The following SNX16 variants were observed in gnomAD, a reference collection of about 807,000 sequenced individuals.
SNX16 encodes sorting nexin-16.
A neutral mutation model predicts 36.7 loss-of-function variants in SNX16; 35 were observed. That is an observed-to-expected ratio of 0.95 (90% CI 0.73 to 1.27). SNX16 has a LOEUF of 1.27. Among genes scored for constraint, SNX16 ranks in the 50% most tolerant of loss-of-function variants. The pLI, the probability that SNX16 is intolerant of heterozygous loss-of-function variation, is 0.00. For synonymous variants in SNX16, 134 were observed against 132.0 expected, an observed-to-expected ratio of 1.02 and a Z score of -0.10; for missense variants, 367 against 393.6, an observed-to-expected ratio of 0.93 and a Z score of 0.57.
At chr8:81,827,457 G>A (rs1188277721) in intron 3 of SNX16, among the ~76,000 whole-genome samples, 2 of 151,564 alleles carry the variant, frequency 1.3e-5, no homozygotes, top group Non-Finnish European at 2.9e-5. Context: ...TTTATCTTTC[G>A]GCTTGTTTAG....
chr8:81,835,980 C>T (rs1398405039), intron 2 of SNX16, among the ~76,000 whole-genome samples: 1 of 152,212 alleles, frequency 6.6e-6, no homozygotes, highest in Admixed American at 6.5e-5. Context: ...GTCCCTTTTG[C>T]CTATCAGCTT....
chr8:81,812,077 TA>T (rs1810281462), intron 5 of SNX16, among the ~76,000 whole-genome samples: 2 of 151,868 alleles, frequency 1.3e-5, no homozygotes, highest in South Asian at 4.1e-4. Context: ...ATGACCGAAA[TA>T]TAAATCTGTG....
intron 5 of SNX16, 79 bp from the exon 6 acceptor site, chr8:81,803,307 G>C: frequency 7.3e-7 from 1 of 1,372,168 alleles, no homozygotes; most frequent in Admixed American, 2.4e-5. Flanking sequence ...TCTTTCTCAA[G>C]AGCATTATTG....
chr8:81,832,245 C>A (rs1811303641), intron 2 of SNX16, among the ~76,000 whole-genome samples: 4 of 152,146 alleles, frequency 2.6e-5, no homozygotes, highest in African/African-American at 9.7e-5. Flanking sequence ...AAAAAAGAAT[C>A]AAATCATGTC....
intron 4 of SNX16, among the ~76,000 whole-genome samples, chr8:81,822,966 A>ATATATATATATGTATATG (rs1810838523): frequency 7.9e-6 from 1 of 126,934 alleles, no homozygotes; most frequent in African/African-American, 2.8e-5. Flanking sequence ...ATATATATAT[A>ATATATATATATGTATATG]TATATATATA....
At chr8:81,823,208 T>A (rs1810855872) in intron 4 of SNX16, among the ~76,000 whole-genome samples, 1 of 151,788 alleles carries the variant, frequency 6.6e-6, no homozygotes, top group Admixed American at 6.6e-5. Flanking sequence ...AAAGTAGTTT[T>A]AATTTATCTG....
chr8:81,806,335 T>G (rs1016812092), intron 5 of SNX16, among the ~76,000 whole-genome samples: 5 of 152,096 alleles, frequency 3.3e-5, no homozygotes, highest in African/African-American at 1.2e-4. Flanking sequence ...TGAATTTGCG[T>G]TAATCTCATA....
At position 81,818,086 on chromosome 8, in the gene SNX16, G is replaced by T. The variant is rs536698185; in HGVS notation, c.612-2692C>A. 7.2e-5 allele frequency among the ~76,000 whole-genome samples: 11 copies of T among 152,106 alleles called. No homozygotes were observed. In the South Asian group the frequency reaches 2.3e-3, roughly 32 times the overall value. On this transcript the variant is annotated intron_variant, in intron 4 of 7. Transcript: ENST00000345957. ...GATTCTCTTGAATTTTGTTTAAAGAGTTTTACCGTATTTTCAAACTATGCT... is the reference window on the plus strand; with the variant it reads ...GATTCTCTTGAATTTTGTTTAAAGATTTTTACCGTATTTTCAAACTATGCT...
chr8:81,802,357 A>T (rs1809738459), intron 7 of SNX16, 23 bp downstream of exon 7: 10 of 1,572,146 alleles, frequency 6.4e-6, no homozygotes, highest in African/African-American at 1.4e-5. Context: ...GAATTAAGCT[A>T]TCATAAATGA....
intron 5 of SNX16, among the ~76,000 whole-genome samples, chr8:81,811,614 A>G (rs145547095): frequency 6.6e-6 from 1 of 152,306 alleles, no homozygotes; most frequent in African/African-American, 2.4e-5. Flanking sequence ...GTGACCACAC[A>G]TTGCTGAGGA....
intron 5 of SNX16, chr8:81,808,700 C>G (rs558245960): frequency 2.2e-5 from 24 of 1,090,930 alleles, no homozygotes; most frequent in South Asian, 9.9e-5. Flanking sequence ...GTTCCAGGAG[C>G]AGCCGTAGCT....
chr8:81,805,604 G>GGAACAAAAGTTCCT (rs1809895950), intron 5 of SNX16, among the ~76,000 whole-genome samples: 2 of 152,162 alleles, frequency 1.3e-5, no homozygotes, highest in African/African-American at 4.8e-5. Flanking sequence ...TATGTTAAGA[G>GGAACAAAAGTTCCT]ATTTTCAAAA....
At chr8:81,827,872 A>G (rs944480917) in intron 3 of SNX16, among the ~76,000 whole-genome samples, 1 of 152,146 alleles carries the variant, frequency 6.6e-6, no homozygotes, top group African/African-American at 2.4e-5. Flanking sequence ...ACCTGTCAAA[A>G]TTGGAGAGTA....
intron 5 of SNX16, among the ~76,000 whole-genome samples, chr8:81,805,956 T>C (rs1283103545): frequency 6.6e-6 from 1 of 152,026 alleles, no homozygotes; most frequent in Non-Finnish European, 1.5e-5. Flanking sequence ...TTAAAATCTA[T>C]ACAAAATGGT....
At chr8:81,837,796 T>C (rs1433223864) in intron 2 of SNX16, among the ~76,000 whole-genome samples, 2 of 152,166 alleles carry the variant, frequency 1.3e-5, no homozygotes, top group Non-Finnish European at 2.9e-5. Flanking sequence ...TTCAGGAAAT[T>C]GGCCATCAGT....
In SNX16 at chr8:81,801,518, T is replaced by C. The variant is rs376790349; in HGVS notation, c.1014A>G (p.Ala338=). 3.1e-6 allele frequency: 5 copies of C among 1,597,200 alleles called. No individual in the cohort carries two copies. In the African/African-American group the frequency reaches 4.0e-5, roughly 13 times the overall value. ...AVSEIEVAEV[A]YDAEED ...TACATTAGTCTTCTTCAGCATCATA[T>C]GCCACTTCTGCTACTTCTATCTCTG... The change falls in exon 8 of 8, where the codon GCA becomes GCG. Residue 338 remains alanine, a synonymous_variant. Transcript: ENST00000345957.
intron 4 of SNX16, 107 bp from the exon 5 acceptor site, chr8:81,815,501 ATG>A (rs1218049987): frequency 1.4e-6 from 1 of 706,992 alleles, no homozygotes; most frequent in East Asian, 2.9e-5. Flanking sequence ...CAAGTTGGTT[ATG>A]TGTTTTCATA....
chr8:81,803,369 T>C (rs763742949), intron 5 of SNX16, 141 bp from the exon 6 acceptor site: 8 of 885,064 alleles, frequency 9.0e-6, no homozygotes, highest in Non-Finnish European at 1.3e-5. Context: ...CTCCAAATGA[T>C]TTGTTCTCTA....
intron 5 of SNX16, among the ~76,000 whole-genome samples, chr8:81,805,315 G>A (rs538778815): frequency 2.0e-5 from 3 of 152,040 alleles, no homozygotes; most frequent in Admixed American, 6.5e-5. Flanking sequence ...AAATATGAAC[G>A]AGAATGAAAA....
Sources: allele counts gnomAD v4.1 joint callset (sites outside exome capture counted in the v4.1 genomes callset), GRCh38; gene constraint gnomAD v4.1.1; transcripts MANE v1.5; gene names NCBI Gene and HGNC (gene_info 2026-07-23, HGNC 2026-07-21).